The following DCHS2 variants were observed in gnomAD, a reference collection of about 807,000 sequenced individuals.
DCHS2 encodes the protein dachsous cadherin-related 2.
Under a neutral mutation model 182.4 loss-of-function variants are expected in DCHS2, and 142 were observed. That is an observed-to-expected ratio of 0.78 (90% confidence interval 0.68 to 0.89). The LOEUF (loss-of-function observed/expected upper bound fraction) is 0.89, where lower values mean the gene tolerates loss of function less well. Ranked by LOEUF, DCHS2 falls within the 40% of genes least tolerant of loss-of-function variation. The probability of loss-of-function intolerance (pLI) is 0.00; values close to 1 mark genes in which losing one functional copy is unlikely to be tolerated. For missense variants in DCHS2, 4,319 were observed against 4,198.6 expected (o/e 1.03, Z -0.79); for synonymous variants, 1,740 against 1,663.3 (o/e 1.05, Z -1.12).
intron 1 of DCHS2, among the ~76,000 whole-genome samples, chr4:154,428,327 G>C (rs879272837): frequency 6.6e-6 from 1 of 152,062 alleles, no homozygotes; most frequent in Non-Finnish European, 1.5e-5. Flanking sequence ...ATTGTTTGAG[G>C]CCAAGAGTTC....
intron 3 of DCHS2, among the ~76,000 whole-genome samples, chr4:154,365,241 A>G (rs1730295147): frequency 6.6e-6 from 1 of 151,832 alleles, no homozygotes; most frequent in Non-Finnish European, 1.5e-5. Context: ...ACCTAGTACA[A>G]AAAAAAAGGA....
At chr4:154,331,400 G>C (rs1736518175) in intron 5 of DCHS2, among the ~76,000 whole-genome samples, 1 of 152,118 alleles carries the variant, frequency 6.6e-6, no homozygotes. Flanking sequence ...TGAAATAGAA[G>C]ACCTTGAAAA....
At chr4:154,382,220 T>A (rs548550339) in intron 1 of DCHS2, among the ~76,000 whole-genome samples, 2 of 152,286 alleles carry the variant, frequency 1.3e-5, no homozygotes, top group Admixed American at 6.5e-5. Flanking sequence ...GGTAGCTGGC[T>A]AGCCATATAC....
chr4:154,359,227 T>C (rs542240273), intron 3 of DCHS2, among the ~76,000 whole-genome samples: 1 of 152,032 alleles, frequency 6.6e-6, no homozygotes, highest in Non-Finnish European at 1.5e-5. Context: ...ATATAATGTT[T>C]GTCTATGCTC....
At chr4:154,365,207 C>A (rs1730293091) in intron 3 of DCHS2, among the ~76,000 whole-genome samples, 1 of 151,774 alleles carries the variant, frequency 6.6e-6, no homozygotes, top group African/African-American at 2.4e-5. Flanking sequence ...AAACTAAAAC[C>A]CAAAGAGACT....
At chr4:154,267,409 C>G (rs1733331979) in intron 14 of DCHS2, among the ~76,000 whole-genome samples, 1 of 152,064 alleles carries the variant, frequency 6.6e-6, no homozygotes, top group Non-Finnish European at 1.5e-5. Flanking sequence ...ACTTTGAATT[C>G]CAACCTTTCC....
chr4:154,332,982 G>C lies in DCHS2; in HGVS notation c.3226C>G (p.Arg1076Gly). 1.2e-6 allele frequency: 2 copies of C among 1,614,218 alleles called. No individual in the cohort carries two copies. The highest frequency in any genetic ancestry group is 1.7e-6 in the Non-Finnish European group (2 of 1,180,050). ...AAAGTCCAGGATGGGCTGTGTTCGC[G>C]TTTCTCGATAACGACTGTCAGCACC... ...LLVLTVVIEK[R>G]EHSPSWTFEH... The change falls in exon 5 of 20, where the codon CGC becomes GGC. Residue 1076 changes from arginine to glycine, a missense_variant. Physicochemically the swap from Arg to Gly is moderately radical, Grantham distance 125 (BLOSUM62 -2). Transcript: ENST00000357232.
chr4:154,445,044 C>A (rs1301071701), intron 1 of DCHS2, among the ~76,000 whole-genome samples: 2 of 152,198 alleles, frequency 1.3e-5, no homozygotes, highest in African/African-American at 2.4e-5. Context: ...GACAGGCCTT[C>A]CTGACCACCT....
intron 15 of DCHS2, among the ~76,000 whole-genome samples, chr4:154,257,461 G>C (rs994754534): frequency 2.0e-5 from 3 of 152,202 alleles, no homozygotes; most frequent in Non-Finnish European, 4.4e-5. Context: ...ATTTGTCTCT[G>C]TCTTGGTGTC....
intron 10 of DCHS2, among the ~76,000 whole-genome samples, chr4:154,306,807 C>T (rs987833438): frequency 2.6e-5 from 4 of 151,992 alleles, no homozygotes; most frequent in African/African-American, 9.7e-5. Context: ...TTTTAATTCT[C>T]ACCACTTGCC....
intron 1 of DCHS2, among the ~76,000 whole-genome samples, chr4:154,431,660 G>A (rs1733564245): frequency 6.6e-6 from 1 of 152,038 alleles, no homozygotes; most frequent in Admixed American, 6.6e-5. Flanking sequence ...ACTTGTAATG[G>A]CGTTTCAGGA....
intron 7 of DCHS2, among the ~76,000 whole-genome samples, chr4:154,324,992 A>C (rs892244007): frequency 1.3e-5 from 2 of 152,214 alleles, no homozygotes; most frequent in African/African-American, 4.8e-5. Context: ...TGTAATATAT[A>C]TCTCCATATT....
In DCHS2 at chr4:154,361,314, C is replaced by T. The variant is rs1033761045; in HGVS notation, c.2476+4896G>A. Reference sequence around the variant, plus strand: ...AGGTAACTTCACCTGCACATGTATCCCCTGAATCTAAAATAAAAGTTGAAA... The same window carrying T: ...AGGTAACTTCACCTGCACATGTATCTCCTGAATCTAAAATAAAAGTTGAAA... On this transcript the variant is annotated intron_variant, in intron 3 of 19. Transcript: ENST00000357232. Among the ~76,000 whole-genome samples, 6 of 151,974 alleles carry T rather than the reference C, an allele frequency of 3.9e-5. No individual in the cohort carries two copies. The East Asian group carries it at 5.8e-4, about 15-fold the overall frequency.
At chr4:154,473,424 C>T (rs1010412796) in intron 1 of DCHS2, among the ~76,000 whole-genome samples, 1 of 152,180 alleles carries the variant, frequency 6.6e-6, no homozygotes, top group African/African-American at 2.4e-5. Flanking sequence ...GAATAATGGA[C>T]TCTGATCATT....
At chr4:154,345,674 C>A (rs1453561743) in intron 3 of DCHS2, among the ~76,000 whole-genome samples, 2 of 1,590 alleles carry the variant, frequency 1.3e-3, no homozygotes, top group African/African-American at 1.4e-3. Context: ...TGTTTGTCCC[C>A]CTCACAAGTT....
At chr4:154,429,559 C>T (rs1392865024) in intron 1 of DCHS2, among the ~76,000 whole-genome samples, 2 of 152,160 alleles carry the variant, frequency 1.3e-5, no homozygotes, top group African/African-American at 4.8e-5. Flanking sequence ...AGCAGCAGCA[C>T]CCAGCGGCAG....
At chr4:154,408,570 A>G (rs1324511737) in intron 1 of DCHS2, among the ~76,000 whole-genome samples, 3 of 152,238 alleles carry the variant, frequency 2.0e-5, no homozygotes, top group African/African-American at 7.2e-5. Flanking sequence ...ATAAAGCAAG[A>G]TAGCCAACTA....
At chr4:154,454,503 G>A (rs1476012916) in intron 1 of DCHS2, among the ~76,000 whole-genome samples, 1 of 152,054 alleles carries the variant, frequency 6.6e-6, no homozygotes, top group African/African-American at 2.4e-5. Context: ...TCTACATATG[G>A]ACTTAAAAAT....
intron 12 of DCHS2, among the ~76,000 whole-genome samples, chr4:154,303,484 CAA>C (rs35984605): frequency 0.048 from 4,069 of 84,456 alleles, 116 homozygotes; most frequent in South Asian, 0.26. Flanking sequence ...GTAAGTGAAG[CAA>C]AAAAAAAAAA....
Sources: gnomAD v4.1 joint callset for allele counts (sites outside exome capture counted in the v4.1 genomes callset) on GRCh38, gnomAD v4.1.1 for gene constraint, MANE v1.5 for transcripts, NCBI Gene and HGNC (gene_info 2026-07-23, HGNC 2026-07-21) for gene names.